Variants in SKI observed in about 807,000 individuals in gnomAD.
The protein encoded by SKI is SKI proto-oncogene.
Under a neutral mutation model 59.3 loss-of-function variants are expected in SKI, and 23 were observed. The ratio of observed to expected loss-of-function variants is 0.39; its 90% CI spans 0.28 to 0.55. The LOEUF (loss-of-function observed/expected upper bound fraction) is 0.55. SKI is among the 20% of genes least tolerant of loss of function. The pLI, the probability that SKI is intolerant of heterozygous loss-of-function variation, is 0.67. For synonymous variants in SKI, 673 were observed against 488.6 expected, an observed-to-expected ratio of 1.38 and a Z score of -4.98; for missense variants, 1,017 against 1,038.9, an observed-to-expected ratio of 0.98 and a Z score of 0.29.
intron 1 of SKI, among the ~76,000 whole-genome samples, chr1:2,260,526 G>GTTTTTTTTTTTT (rs1639361699): frequency 1.3e-5 from 1 of 76,378 alleles, no homozygotes; most frequent in African/African-American, 5.8e-5. Flanking sequence ...TTTTCAGTTT[G>GTTTTTTTTTTTT]TTCTTTTTCT....
At position 2,306,776 on chromosome 1, in the gene SKI, TGCCGCCGCAGC is replaced by T. The variant is rs920341578; in HGVS notation, c.*19_*29del. 5.1e-5 allele frequency: 76 copies of T among 1,496,110 alleles called. No individual in the cohort carries two copies. The African/African-American group carries it at 8.5e-4, about 17-fold the overall frequency. 92.7% of individuals were successfully genotyped at this position (1,496,110 alleles called of 1,614,324 possible). A position where few individuals can be genotyped will look rare whatever the true frequency, so the allele number is the denominator to read the frequency against. On this transcript the variant is annotated 3_prime_UTR_variant, in exon 7 of 7. Coordinates refer to ENST00000378536, the MANE Select transcript of SKI (RefSeq NM_003036.4). ...GAGCTGGAGCCGTAGATTCCGTGCC[TGCCGCCGCAGC>T]GCCGCCGACAACGCGGGTGCAGGGG...
intron 1 of SKI, among the ~76,000 whole-genome samples, chr1:2,237,472 A>G (rs1054816259): frequency 5.9e-5 from 9 of 152,180 alleles, no homozygotes; most frequent in East Asian, 5.8e-4. Flanking sequence ...TGTTCTGCCC[A>G]GGAGTGAACC....
intron 1 of SKI, among the ~76,000 whole-genome samples, chr1:2,264,311 C>T (rs1639452329): frequency 6.6e-6 from 1 of 152,048 alleles, no homozygotes; most frequent in African/African-American, 2.4e-5. Context: ...GCTCTGTCAC[C>T]CAGGCTGAAG....
chr1:2,275,273 G>A (rs571082308), intron 1 of SKI, among the ~76,000 whole-genome samples: 2 of 152,328 alleles, frequency 1.3e-5, no homozygotes, highest in East Asian at 1.9e-4. Flanking sequence ...CCGCTCAGGC[G>A]CCACGGCGGC....
In SKI at chr1:2,304,535, C is replaced by T; in HGVS notation, c.1717C>T (p.Gln573Ter). Residue 573 changes from glutamine (Q) to a stop codon, truncating the protein, a stop_gained, in exon 5 of 7, where the codon CAG (glutamine) becomes TAG (stop). Transcript: ENST00000378536. LOFTEE classifies it high-confidence loss of function. ...TGAGGTGGTCAAGATGCGCGTGAAGCAGGAGGAGAAGCTCAGCGCAGCCCT... is the reference window on the plus strand; with the variant it reads ...TGAGGTGGTCAAGATGCGCGTGAAGTAGGAGGAGAAGCTCAGCGCAGCCCT... ...LHEVVKMRVK[Q>*]EEKLSAALQA... is the part of the protein sequence containing the mutation. The T allele has an allele frequency of 6.3e-7, 1 of 1,580,018 alleles. No homozygotes were observed. The highest frequency in any genetic ancestry group is 8.6e-7 in the Non-Finnish European group (1 of 1,164,420).
intron 1 of SKI, among the ~76,000 whole-genome samples, chr1:2,275,166 G>A (rs1639713425): frequency 6.6e-6 from 1 of 152,230 alleles, no homozygotes; most frequent in South Asian, 2.1e-4. Context: ...CAGCCTTGGG[G>A]GCCCGGTGGA....
intron 1 of SKI, among the ~76,000 whole-genome samples, chr1:2,259,153 T>C (rs1639331440): frequency 6.6e-6 from 1 of 152,164 alleles, no homozygotes; most frequent in Non-Finnish European, 1.5e-5. Context: ...CTGCCTCCTT[T>C]TGTGGGTAAA....
chr1:2,247,141 C>G (rs1245552406), intron 1 of SKI, among the ~76,000 whole-genome samples: 1 of 152,208 alleles, frequency 6.6e-6, no homozygotes, highest in Non-Finnish European at 1.5e-5. Flanking sequence ...ATCACTTGAA[C>G]CTGGGAGTCG....
intron 1 of SKI, among the ~76,000 whole-genome samples, chr1:2,287,924 C>G (rs931439384): frequency 6.6e-6 from 1 of 152,206 alleles, no homozygotes; most frequent in Non-Finnish European, 1.5e-5. Flanking sequence ...GCTCCTGGCC[C>G]TGGCCTGGCA....
intron 1 of SKI, among the ~76,000 whole-genome samples, chr1:2,291,187 A>G (rs973216936): frequency 1.8e-4 from 28 of 152,190 alleles, no homozygotes; most frequent in African/African-American, 6.5e-4. Flanking sequence ...CTTTTAAGCT[A>G]TTTCAGCATT....
intron 5 of SKI, among the ~76,000 whole-genome samples, chr1:2,305,519 A>G (rs1455071192): frequency 6.6e-6 from 1 of 151,994 alleles, no homozygotes; most frequent in Non-Finnish European, 1.5e-5. Context: ...TCCCACATAC[A>G]TATTCATGTG....
Position 2,228,685 on chromosome 1 carries a change from CCGGGGCGCGCGGGGCGGCGG to C in SKI, c.-76_-57del. On this transcript the variant is annotated 5_prime_UTR_variant, in exon 1 of 7. Transcript: ENST00000378536. ...GCCGGGGTCGGGGCCGCGGGCGCCG[CCGGGGCGCGCGGGGCGGCGG>C]CGGGGGCCGGGGGGGCCCGGGCGCG... 1.1e-6 allele frequency: 1 copy of C among 888,690 alleles called. No homozygotes were observed. Among genetic ancestry groups the C allele is most frequent in the Non-Finnish European group, 1.3e-6 (1 of 746,368 alleles). The allele number at this position is 888,690 out of a possible 1,614,324, so 55.1% of individuals were successfully genotyped here.
chr1:2,240,198 G>C (rs10797414), intron 1 of SKI, among the ~76,000 whole-genome samples: 31,718 of 152,176 alleles, frequency 0.21, 4,445 homozygotes, highest in East Asian at 0.62. Flanking sequence ...TGTCCTCCGG[G>C]TTCTTCTCCA....
At position 2,304,474 on chromosome 1, in the gene SKI, C is replaced by T. The variant is rs1203075856; in HGVS notation, c.1656C>T (p.Gly552=). Residue 552 remains glycine, a synonymous_variant, in exon 5 of 7, where the codon GGC becomes GGT. Coordinates refer to ENST00000378536, the MANE Select transcript of SKI (RefSeq NM_003036.4). ...LEHLRQALEG[G]LDTKEAKEKF... is the part of the protein sequence containing the mutation. ...ACCTGCGGCAGGCACTGGAGGGCGG[C>T]CTGGACACCAAGGAAGCCAAAGAGA... 3 of 1,573,802 alleles carry T rather than the reference C, an allele frequency of 1.9e-6. No individual in the cohort carries two copies. Among genetic ancestry groups the T allele is most frequent in the Admixed American group, 1.8e-5 (1 of 54,560 alleles).
chr1:2,292,681 A>C (rs1010631045), intron 1 of SKI, among the ~76,000 whole-genome samples: 2 of 152,102 alleles, frequency 1.3e-5, no homozygotes, highest in Non-Finnish European at 2.9e-5. Flanking sequence ...ACCCTTGCCT[A>C]AGGGAGGGAG....
rs1322220720 is a variant in SKI at position 2,306,153 on chromosome 1, G to A, written c.1901G>A (p.Arg634Gln). 5.0e-6 allele frequency: 8 copies of A among 1,593,704 alleles called. No homozygotes were observed. The highest frequency in any genetic ancestry group is 1.1e-5 in the South Asian group (1 of 88,042). ...EKKMKEANES[R>Q]LRLKRELEQA... ...AAGATGAAAGAGGCCAACGAGTCAC[G>A]GCTGCGCCTGAAGCGGGAGCTGGAG... The change falls in exon 6 of 7, where the codon CGG (arginine) becomes CAG (glutamine). Residue 634 changes from arginine (R) to glutamine (Q), a missense_variant. Coordinates refer to ENST00000378536, the MANE Select transcript of SKI (RefSeq NM_003036.4).
rs374742930 is a variant in SKI at position 2,275,265 on chromosome 1, G to A, written c.970-27713G>A. On this transcript the variant is annotated intron_variant, in intron 1 of 6. Coordinates refer to ENST00000378536, the MANE Select transcript of SKI (RefSeq NM_003036.4). The stretch of plus-strand genomic sequence containing the variant: ...AGAGCAGTGGCCGGCCCACGGCTCC[G>A]CTCAGGCGCCACGGCGGCTCCTTTC... 1.4e-3 allele frequency among the ~76,000 whole-genome samples: 209 copies of A among 152,338 alleles called. 4 individuals carry two copies. The highest frequency in any genetic ancestry group is 4.5e-3 in the African/African-American group (189 of 41,578).
At chr1:2,239,892 C>G (rs377187544) in intron 1 of SKI, among the ~76,000 whole-genome samples, 10 of 152,372 alleles carry the variant, frequency 6.6e-5, no homozygotes, top group African/African-American at 2.4e-4. Context: ...CTCCCCACTG[C>G]TGCTTCAGCT....
At chr1:2,237,891 C>T (rs534956807) in intron 1 of SKI, among the ~76,000 whole-genome samples, 2 of 152,312 alleles carry the variant, frequency 1.3e-5, no homozygotes, top group South Asian at 4.1e-4. Context: ...TGTGGGAGGT[C>T]TGAGGTTGGC....
Sources: gnomAD v4.1 joint callset for allele counts (sites outside exome capture counted in the v4.1 genomes callset) on GRCh38, gnomAD v4.1.1 for gene constraint, MANE v1.5 for transcripts, NCBI Gene and HGNC (gene_info 2026-07-23, HGNC 2026-07-21) for gene names.